MICU2: variants seen among roughly 807,000 people sequenced by gnomAD.
MICU2 encodes the protein mitochondrial calcium uptake 2.
In MICU2, 64 loss-of-function variants were observed where a neutral mutation model predicts 60.4. The observed-to-expected ratio is 1.06, with a 90% CI of 0.87 to 1.31. The LOEUF (loss-of-function observed/expected upper bound fraction) is 1.31, where lower values mean the gene tolerates loss of function less well. MICU2 is among the 50% of genes most tolerant of loss of function. MICU2 has a pLI of 0.00. For synonymous variants in MICU2, 201 were observed against 175.0 expected (o/e 1.15, Z -1.17); for missense variants, 569 against 531.0 (o/e 1.07, Z -0.70).
intron 7 of MICU2, among the ~76,000 whole-genome samples, chr13:21,513,540 C>A (rs953331666): frequency 2.0e-5 from 3 of 151,756 alleles, no homozygotes; most frequent in African/African-American, 7.3e-5. Flanking sequence ...GAGTTTGAGA[C>A]CAGCCTGACC....
intron 1 of MICU2, among the ~76,000 whole-genome samples, chr13:21,599,859 G>A (rs908689665): frequency 1.3e-5 from 2 of 152,146 alleles, no homozygotes; most frequent in African/African-American, 4.8e-5. Context: ...TTTTCATTTT[G>A]AAGAAGTGAT....
intron 2 of MICU2, among the ~76,000 whole-genome samples, chr13:21,543,417 A>G (rs1299496202): frequency 6.6e-6 from 1 of 152,236 alleles, no homozygotes; most frequent in East Asian, 1.9e-4. Context: ...TCTTATACAT[A>G]GAAAAACCTA....
intron 9 of MICU2, among the ~76,000 whole-genome samples, chr13:21,501,326 A>G (rs1014305057): frequency 2.0e-5 from 3 of 151,738 alleles, no homozygotes; most frequent in African/African-American, 4.8e-5. Flanking sequence ...GCAGTGGCGC[A>G]ATCTCAGCTC....
chr13:21,595,901 T>C (rs1030774826), intron 1 of MICU2, among the ~76,000 whole-genome samples: 6 of 152,264 alleles, frequency 3.9e-5, no homozygotes, highest in Admixed American at 3.3e-4. Context: ...CTGCTACTTC[T>C]GGACCCCTGT....
intron 2 of MICU2, 140 bp from the exon 3 acceptor site, chr13:21,539,828 T>G: frequency 1.4e-6 from 1 of 721,396 alleles, no homozygotes; most frequent in Non-Finnish European, 2.2e-6. Flanking sequence ...TTTTAGCTAA[T>G]ATCCTTAAGC....
At chr13:21,538,500 G>A (rs573109878) in intron 4 of MICU2, among the ~76,000 whole-genome samples, 9 of 144,838 alleles carry the variant, frequency 6.2e-5, no homozygotes, top group Middle Eastern at 3.8e-3. Context: ...AGAGTTTGAC[G>A]CTGCCGGGAG....
At chr13:21,537,882 C>T (rs1887173799) in intron 4 of MICU2, among the ~76,000 whole-genome samples, 1 of 152,142 alleles carries the variant, frequency 6.6e-6, no homozygotes, top group African/African-American at 2.4e-5. Flanking sequence ...CATTTGTTCA[C>T]CCTTTTCTCC....
chr13:21,515,398 C>G (rs1886546535), intron 6 of MICU2: 2 of 223,550 alleles, frequency 8.9e-6, no homozygotes, highest in African/African-American at 2.3e-5. Flanking sequence ...TTTAAAAAAG[C>G]TATTTATATC....
chr13:21,533,124 T>A (rs1887043658), intron 4 of MICU2, among the ~76,000 whole-genome samples: 1 of 152,120 alleles, frequency 6.6e-6, no homozygotes, highest in African/African-American at 2.4e-5. Context: ...AGCTGTAAGA[T>A]GCAGATGCAA....
chr13:21,563,183 T>C (rs942419420), intron 2 of MICU2, among the ~76,000 whole-genome samples: 5 of 152,080 alleles, frequency 3.3e-5, no homozygotes, highest in South Asian at 2.1e-4. Context: ...TGGCCGGGCG[T>C]GGTGGCTCAT....
At chr13:21,580,296 A>G (rs1384071071) in intron 1 of MICU2, among the ~76,000 whole-genome samples, 1 of 152,254 alleles carries the variant, frequency 6.6e-6, no homozygotes, top group African/African-American at 2.4e-5. Context: ...TTGATCCCCA[A>G]GAATTTTGGA....
chr13:21,523,022 C>T (rs1886757118), intron 4 of MICU2, among the ~76,000 whole-genome samples: 1 of 152,142 alleles, frequency 6.6e-6, no homozygotes, highest in Non-Finnish European at 1.5e-5. Flanking sequence ...TGGGCATTAT[C>T]CACTCTGTTG....
intron 1 of MICU2, among the ~76,000 whole-genome samples, chr13:21,586,690 A>C (rs1259785309): frequency 6.6e-6 from 1 of 152,044 alleles, no homozygotes. Context: ...GGATTATAGG[A>C]GGGAGCCAAC....
At chr13:21,585,699 T>C (rs1486476092) in intron 1 of MICU2, among the ~76,000 whole-genome samples, 2 of 152,192 alleles carry the variant, frequency 1.3e-5, no homozygotes, top group African/African-American at 4.8e-5. Flanking sequence ...TGACATGCAA[T>C]AGACAAAGAT....
At chr13:21,505,583 TAA>T (rs929137406) in intron 8 of MICU2, among the ~76,000 whole-genome samples, 1 of 149,720 alleles carries the variant, frequency 6.7e-6, no homozygotes, top group Non-Finnish European at 1.5e-5. Context: ...GTTGTATAAG[TAA>T]AAAAAAAATC....
chr13:21,502,938 C>T lies in MICU2; in HGVS notation c.921G>A (p.Leu307=). ...AGGGTATACCAACCTCTCCTGCTGA[C>T]AACTTCTCTCTCACATTTTTCCAAT... The part of the protein sequence containing the change: ...DIYWKNVREK[L]SAGESISLDE... The change falls in exon 9 of 12, where the codon TTG becomes TTA. Residue 307 remains leucine, a synonymous_variant. Transcript: ENST00000382374. The T allele has an allele frequency of 6.2e-7, 1 of 1,610,286 alleles. No homozygotes were observed. Among genetic ancestry groups the T allele is most frequent in the South Asian group, 1.1e-5 (1 of 89,606 alleles).
intron 4 of MICU2, among the ~76,000 whole-genome samples, chr13:21,527,547 C>G (rs1484832913): frequency 6.6e-6 from 1 of 152,074 alleles, no homozygotes; most frequent in African/African-American, 2.4e-5. Context: ...CAAGGTAGTT[C>G]TACAACAGCA....
intron 1 of MICU2, among the ~76,000 whole-genome samples, chr13:21,597,764 T>C (rs1277530668): frequency 6.6e-6 from 1 of 151,832 alleles, no homozygotes; most frequent in African/African-American, 2.4e-5. Flanking sequence ...ACCCCGTCTC[T>C]ACTAAAAATA....
intron 1 of MICU2, among the ~76,000 whole-genome samples, chr13:21,590,682 C>T (rs1888560120): frequency 6.6e-6 from 1 of 152,128 alleles, no homozygotes; most frequent in South Asian, 2.1e-4. Flanking sequence ...GTGAAACCCC[C>T]GTTTCTACTA....
Sources: gnomAD v4.1 joint callset for allele counts (sites outside exome capture counted in the v4.1 genomes callset) on GRCh38, gnomAD v4.1.1 for gene constraint, MANE v1.5 for transcripts, NCBI Gene and HGNC (gene_info 2026-07-23, HGNC 2026-07-21) for gene names.